Variants in NTM observed in about 807,000 individuals in gnomAD.
The protein encoded by NTM is IgLON family member 2.
Under a neutral mutation model 42.1 loss-of-function variants are expected in NTM, and 13 were observed. The ratio of observed to expected loss-of-function variants is 0.31; its 90% CI spans 0.20 to 0.49. The LOEUF is 0.49. NTM is among the 20% of genes least tolerant of loss of function. NTM has a pLI of 0.99. For synonymous variants in NTM, 187 were observed against 179.2 expected, an observed-to-expected ratio of 1.04 and a Z score of -0.35; for missense variants, 373 against 452.8, an observed-to-expected ratio of 0.82 and a Z score of 1.60.
intron 2 of NTM, among the ~76,000 whole-genome samples, chr11:131,981,658 G>C (rs1453335932): frequency 6.6e-6 from 1 of 152,172 alleles, no homozygotes; most frequent in Non-Finnish European, 1.5e-5. Context: ...TGCTAGGGCA[G>C]AATTTGAAAA....
Position 132,307,676 on chromosome 11 carries a change from G to C in NTM, c.527-13G>C, listed in dbSNP as rs751690368. The C allele has an allele frequency of 6.2e-6, 10 of 1,613,676 alleles. No individual in the cohort carries two copies. The African/African-American group carries it at 1.3e-4, about 22-fold the overall frequency. ...TCCTTGTATTTCACCACACGTTACC[G>C]GTTTTCCCGCAGCGGTTGGCTTTGT... On this transcript the variant is annotated splice_polypyrimidine_tract_variant and intron_variant, in intron 4 of 8. Transcript: ENST00000683400.
intron 1 of NTM, among the ~76,000 whole-genome samples, chr11:131,747,479 C>T (rs966868076): frequency 6.6e-6 from 1 of 152,224 alleles, no homozygotes; most frequent in Non-Finnish European, 1.5e-5. Flanking sequence ...TCCTGTGTCC[C>T]TATTAAATGC....
intron 3 of NTM, among the ~76,000 whole-genome samples, chr11:132,178,286 G>A (rs913927171): frequency 3.3e-5 from 5 of 152,226 alleles, no homozygotes; most frequent in East Asian, 3.9e-4. Flanking sequence ...TTAATAATAT[G>A]TAAGTTATTT....
chr11:131,550,115 G>A (rs2054469638), intron 1 of NTM, among the ~76,000 whole-genome samples: 1 of 152,156 alleles, frequency 6.6e-6, no homozygotes, highest in Non-Finnish European at 1.5e-5. Flanking sequence ...AATAATAACA[G>A]GATGACAAGA....
At chr11:131,620,839 T>C (rs986262180) in intron 1 of NTM, among the ~76,000 whole-genome samples, 8 of 152,234 alleles carry the variant, frequency 5.3e-5, no homozygotes, top group Admixed American at 2.6e-4. Context: ...GTACTTTCTA[T>C]GATAGCAGCA....
rs560978550 is a variant in NTM, at chr11:132,202,374, G to A, written c.401-9648G>A. Among the ~76,000 whole-genome samples, 8 of 152,214 alleles carry A rather than the reference G, an allele frequency of 5.3e-5. No individual in the cohort carries two copies. In the East Asian group the frequency reaches 7.7e-4, roughly 15 times the overall value. On this transcript the variant is annotated intron_variant, in intron 3 of 8. Coordinates refer to ENST00000683400, the MANE Select transcript of NTM (RefSeq NM_001352005.2). ...TTCCCACCCCATCTATCCTCCCTTC[G>A]TGAACTGGTCCCTAAAGAGAGAGGC...
At chr11:131,447,846 C>T (rs1190161515) in intron 1 of NTM, among the ~76,000 whole-genome samples, 5 of 152,170 alleles carry the variant, frequency 3.3e-5, no homozygotes, top group East Asian at 1.9e-4. Context: ...GAACCGCAGC[C>T]GCCATCATGC....
intron 1 of NTM, among the ~76,000 whole-genome samples, chr11:131,682,531 G>A (rs2134860474): frequency 6.6e-6 from 1 of 152,336 alleles, no homozygotes; most frequent in East Asian, 1.9e-4. Context: ...TCCTCTGCCA[G>A]CCTGCTCAGG....
intron 2 of NTM, among the ~76,000 whole-genome samples, chr11:131,955,767 C>A (rs988802984): frequency 5.3e-5 from 8 of 151,794 alleles, no homozygotes; most frequent in Admixed American, 4.6e-4. Flanking sequence ...AGTGCCCCCA[C>A]CAGGGACTCA....
intron 3 of NTM, among the ~76,000 whole-genome samples, chr11:132,166,350 C>T (rs895255179): frequency 1.3e-5 from 2 of 152,138 alleles, no homozygotes; most frequent in Admixed American, 1.3e-4. Flanking sequence ...TTGCAGAAAC[C>T]TCACCCACGA....
intron 3 of NTM, among the ~76,000 whole-genome samples, chr11:132,207,582 T>C (rs1362848532): frequency 6.6e-6 from 1 of 152,174 alleles, no homozygotes; most frequent in Non-Finnish European, 1.5e-5. Context: ...GCATCCCCAG[T>C]TCATGGAAAA....
intron 1 of NTM, among the ~76,000 whole-genome samples, chr11:131,434,640 G>A (rs886308922): frequency 6.6e-6 from 1 of 152,124 alleles, no homozygotes; most frequent in Non-Finnish European, 1.5e-5. Flanking sequence ...GAGGTTGTTT[G>A]TTCTTTTCTT....
Position 131,521,383 on chromosome 11 carries a change from C to CTTTTTTTTTTTTTTTTT in NTM, c.82+150518_82+150534dup, listed in dbSNP as rs773233050. On this transcript the variant is annotated intron_variant, in intron 1 of 8. Transcript: ENST00000683400. The stretch of plus-strand genomic sequence containing the variant: ...AATGCAGAAGAAGCAAGGTGCCAGT[C>CTTTTTTTTTTTTTTTTT]TTTTTTTTTTTTTTTTTTTTTTTTT... 1.5e-4 allele frequency among the ~76,000 whole-genome samples: 7 copies of CTTTTTTTTTTTTTTTTT among 45,720 alleles called. 2 individuals carry two copies. Among genetic ancestry groups the CTTTTTTTTTTTTTTTTT allele is most frequent in the African/African-American group, 4.3e-4 (5 of 11,604 alleles). The allele number at this position is 45,720 out of a possible 152,430, so 30.0% of individuals were successfully genotyped here.
chr11:132,112,622 C>T (rs1052459099), intron 2 of NTM, among the ~76,000 whole-genome samples: 13 of 151,918 alleles, frequency 8.6e-5, no homozygotes, highest in African/African-American at 2.7e-4. Flanking sequence ...GAAGGCATCC[C>T]GCTCTCTAAT....
chr11:132,333,425 G>C (rs2095837598), intron 8 of NTM, among the ~76,000 whole-genome samples: 1 of 152,136 alleles, frequency 6.6e-6, no homozygotes, highest in South Asian at 2.1e-4. Context: ...GACAGAGTGA[G>C]CATCTACAAA....
intron 1 of NTM, among the ~76,000 whole-genome samples, chr11:131,866,815 T>C (rs1019285232): frequency 6.6e-6 from 1 of 152,228 alleles, no homozygotes. Context: ...TTCACTACAA[T>C]GTCGTGATTT....
At chr11:132,131,945 A>G (rs550797095) in intron 2 of NTM, among the ~76,000 whole-genome samples, 6 of 152,170 alleles carry the variant, frequency 3.9e-5, no homozygotes, top group Non-Finnish European at 7.3e-5. Context: ...GGAAATAACT[A>G]GCTCTTCTAC....
chr11:131,857,656 G>T (rs2046233121), intron 1 of NTM, among the ~76,000 whole-genome samples: 1 of 152,170 alleles, frequency 6.6e-6, no homozygotes. Flanking sequence ...AGCTAGTCAG[G>T]ATTTCTCCTT....
At chr11:132,214,147 G>T (rs1372861014) in intron 4 of NTM, among the ~76,000 whole-genome samples, 2 of 152,170 alleles carry the variant, frequency 1.3e-5, no homozygotes, top group East Asian at 3.9e-4. Flanking sequence ...CAAAATCAGG[G>T]AGGAAGCTTC....
Sources: allele counts gnomAD v4.1 joint callset (sites outside exome capture counted in the v4.1 genomes callset), GRCh38; gene constraint gnomAD v4.1.1; transcripts MANE v1.5; gene names NCBI Gene and HGNC (gene_info 2026-07-23, HGNC 2026-07-21).